Variants in NFYC observed in about 807,000 individuals in gnomAD.
NFYC encodes nuclear transcription factor Y subunit gamma, also known as CAAT box DNA-binding protein subunit C.
A neutral mutation model predicts 53.1 loss-of-function variants in NFYC; 25 were observed. The ratio of observed to expected loss-of-function variants is 0.47; its 90% confidence interval spans 0.34 to 0.66. The LOEUF (loss-of-function observed/expected upper bound fraction) is 0.66. Ranked by LOEUF, NFYC falls within the 30% of genes least tolerant of loss-of-function variation. The probability of loss-of-function intolerance (pLI) is 0.01; values close to 1 mark genes in which losing one functional copy is unlikely to be tolerated. For synonymous variants in NFYC, 145 were observed against 152.6 expected, an observed-to-expected ratio of 0.95 and a Z score of 0.37; for missense variants, 260 against 422.7, an observed-to-expected ratio of 0.62 and a Z score of 3.38.
At chr1:40,698,133 C>A (rs1027986095) in intron 1 of NFYC, among the ~76,000 whole-genome samples, 1 of 152,144 alleles carries the variant, frequency 6.6e-6, no homozygotes, top group African/African-American at 2.4e-5. Context: ...GAGGACGAGG[C>A]TGGCAGATCA....
chr1:40,737,118 ACT>A (rs1191058115), intron 1 of NFYC, among the ~76,000 whole-genome samples: 11 of 122,966 alleles, frequency 8.9e-5, no homozygotes, highest in East Asian at 7.0e-4. Flanking sequence ...CAAGAGCGAA[ACT>A]CTGTCTCAAA....
At chr1:40,729,757 C>T (rs1224187605) in intron 1 of NFYC, among the ~76,000 whole-genome samples, 4 of 151,556 alleles carry the variant, frequency 2.6e-5, no homozygotes, top group Non-Finnish European at 5.9e-5. Flanking sequence ...CTGACTGCAA[C>T]CTTCGCCTCC....
intron 8 of NFYC, 197 bp from the exon 9 acceptor site, chr1:40,769,159 C>T: frequency 1.7e-6 from 1 of 597,170 alleles, no homozygotes. Context: ...CTCGATGTCA[C>T]TTTGTGCTGC....
Position 40,720,649 on chromosome 1 carries a change from T to C in NFYC, c.-8-18187T>C, listed in dbSNP as rs190428387. 1.3e-3 allele frequency among the ~76,000 whole-genome samples: 202 copies of C among 152,294 alleles called. 5 individuals carry two copies. The Middle Eastern group carries it at 0.017, about 13-fold the overall frequency. On this transcript the variant is annotated intron_variant, in intron 1 of 9. Coordinates refer to ENST00000447388, the MANE Select transcript of NFYC (RefSeq NM_014223.5). ...TGGCAGGCCAAAGTGAGAGGATCAC[T>C]TGAGCCCAGGAGTTTGAGACCAGCC...
chr1:40,707,494 AGAGAG>A (rs1463604642), intron 1 of NFYC, among the ~76,000 whole-genome samples: 3 of 21,600 alleles, frequency 1.4e-4, no homozygotes, highest in Admixed American at 3.7e-4. Context: ...AAAAAAAAAA[AGAGAG>A]AGAGAGAGAA....
At chr1:40,730,459 G>A (rs1048362491) in intron 1 of NFYC, 6 of 568,550 alleles carry the variant, frequency 1.1e-5, no homozygotes, top group Non-Finnish European at 1.3e-5. Flanking sequence ...AGGGAGGCCC[G>A]AGGTGGGAAT....
At chr1:40,692,198 G>A (rs896431187) in intron 1 of NFYC, 1 of 167,314 alleles carries the variant, frequency 6.0e-6, no homozygotes, top group East Asian at 1.9e-4. Context: ...TCCGGTCTAG[G>A]GGGTGATGAA....
chr1:40,725,665 A>G (rs1644484850), intron 1 of NFYC, among the ~76,000 whole-genome samples: 1 of 152,100 alleles, frequency 6.6e-6, no homozygotes, highest in African/African-American at 2.4e-5. Context: ...CTTTCTCTGT[A>G]TCTCCCATCA....
rs779137863 is a variant in NFYC at position 40,728,112 on chromosome 1, TTATG to T, written c.-8-10722_-8-10719del. On this transcript the variant is annotated intron_variant, in intron 1 of 9. Coordinates refer to ENST00000447388, the MANE Select transcript of NFYC (RefSeq NM_014223.5). ...TGTTTTTAGTAGAGATGGGGTTTCA[TTATG>T]TTGGCCAGGATGGTCTCGAACTCCT... Among the ~76,000 whole-genome samples, 127 of 151,802 alleles carry T rather than the reference TTATG, an allele frequency of 8.4e-4. 1 individual carries two copies. Among genetic ancestry groups the T allele is most frequent in the Non-Finnish European group, 1.6e-3 (112 of 67,898 alleles).
intron 1 of NFYC, chr1:40,721,841 G>C (rs529432250): frequency 6.6e-6 from 1 of 152,220 alleles, no homozygotes; most frequent in African/African-American, 2.4e-5. Flanking sequence ...GAGATTACAG[G>C]CATGAGCCAC....
intron 5 of NFYC, chr1:40,757,425 G>A (rs538260838): frequency 1.2e-5 from 6 of 511,432 alleles, no homozygotes; most frequent in East Asian, 5.6e-5. Context: ...GACAGAATGC[G>A]ACCTCCCTAA....
rs71060396 is a variant in NFYC, at chr1:40,736,820, CAAA to C, written c.-8-1994_-8-1992del. 9.4e-4 allele frequency among the ~76,000 whole-genome samples: 60 copies of C among 63,682 alleles called. 1 individual carries two copies. The highest frequency in any genetic ancestry group is 3.6e-3 in the African/African-American group (58 of 16,216). 41.8% of individuals were successfully genotyped at this position (63,682 alleles called of 152,430 possible). A position where few individuals can be genotyped will look rare whatever the true frequency, so the allele number is the denominator to read the frequency against. Reference sequence around the variant, plus strand: ...CAGTAAGTATAATGCAAACTTATTCCAAAAAAAAAAAAAAAAAAAAAAAAGGCT... The same window carrying C: ...CAGTAAGTATAATGCAAACTTATTCCAAAAAAAAAAAAAAAAAAAAAGGCT... On this transcript the variant is annotated intron_variant, in intron 1 of 9. Coordinates refer to ENST00000447388, the MANE Select transcript of NFYC (RefSeq NM_014223.5).
chr1:40,706,338 G>A (rs1193534741), intron 1 of NFYC, among the ~76,000 whole-genome samples: 1 of 152,046 alleles, frequency 6.6e-6, no homozygotes, highest in African/African-American at 2.4e-5. Context: ...CACAGAACCT[G>A]GCACTAGTAG....
chr1:40,717,954 T>C (rs1644197897), intron 1 of NFYC, among the ~76,000 whole-genome samples: 1 of 152,228 alleles, frequency 6.6e-6, no homozygotes, highest in South Asian at 2.1e-4. Context: ...AGCAGAATTT[T>C]TAATATAAGA....
At chr1:40,711,459 C>T (rs1643924476) in intron 1 of NFYC, among the ~76,000 whole-genome samples, 1 of 152,242 alleles carries the variant, frequency 6.6e-6, no homozygotes, top group Admixed American at 6.5e-5. Context: ...AGGCCTGCAG[C>T]AGGGGAGGCA....
In NFYC at chr1:40,770,699, C is replaced by A. The variant is rs1647047566; in HGVS notation, c.889-10C>A. ...GGATGACCTCACTCTCTCCTCTCCA[C>A]CCCTCGCAGCAGCTCTACCAGATCC... is the stretch of plus-strand genomic sequence containing the variant. On this transcript the variant is annotated splice_polypyrimidine_tract_variant and intron_variant, in intron 9 of 9. Transcript: ENST00000447388. This position sits in a 1 kb window ranked among gnomAD's most constrained non-coding sequence, Gnocchi z 5.3. 6.2e-7 allele frequency: 1 copy of A among 1,614,090 alleles called. No homozygotes were observed. The highest frequency in any genetic ancestry group is 1.3e-5 in the African/African-American group (1 of 74,916).
At chr1:40,762,043 T>A (rs532389155) in intron 6 of NFYC, among the ~76,000 whole-genome samples, 2 of 152,262 alleles carry the variant, frequency 1.3e-5, no homozygotes, top group African/African-American at 4.8e-5. Context: ...AATTGACCCT[T>A]TTGGCAGCTT....
chr1:40,758,021 G>A, intron 5 of NFYC, 100 bp from the exon 6 acceptor site: 1 of 1,319,932 alleles, frequency 7.6e-7, no homozygotes, highest in Non-Finnish European at 1.1e-6. Context: ...CATTCAGCAG[G>A]CAACTGCACA....
intron 2 of NFYC, among the ~76,000 whole-genome samples, chr1:40,739,300 C>CGACA (rs1557837936): frequency 6.6e-6 from 1 of 152,134 alleles, no homozygotes; most frequent in Non-Finnish European, 1.5e-5. Flanking sequence ...AGTGGCCCTA[C>CGACA]GACATTTCTA....
Sources: allele counts gnomAD v4.1 joint callset (sites outside exome capture counted in the v4.1 genomes callset), GRCh38; gene constraint gnomAD v4.1.1; non-coding constraint Gnocchi (gnomAD v3.1); transcripts MANE v1.5; gene names NCBI Gene and HGNC (gene_info 2026-07-23, HGNC 2026-07-21).